The following MDGA2 variants were observed in gnomAD, a reference collection of about 807,000 sequenced individuals.
MDGA2 encodes MAM domain-containing glycosylphosphatidylinositol anchor protein 2.
A neutral mutation model predicts 117.8 loss-of-function variants in MDGA2; 40 were observed. The observed-to-expected ratio is 0.34, with a 90% CI of 0.26 to 0.44. MDGA2 has a LOEUF of 0.44. Ranked by LOEUF, MDGA2 falls within the 20% of genes least tolerant of loss-of-function variation. The pLI is 1.00. For missense variants in MDGA2, 1,123 were observed against 1,250.6 expected, an observed-to-expected ratio of 0.90 and a Z score of 1.54; for synonymous variants, 452 against 439.0, an observed-to-expected ratio of 1.03 and a Z score of -0.37.
intron 1 of MDGA2, among the ~76,000 whole-genome samples, chr14:47,399,122 T>C (rs1892078066): frequency 6.6e-6 from 1 of 152,126 alleles, no homozygotes. Context: ...AAAATTTTGG[T>C]ATTGAAAGAT....
intron 1 of MDGA2, among the ~76,000 whole-genome samples, chr14:47,494,973 C>T (rs1027191269): frequency 1.3e-5 from 2 of 151,392 alleles, no homozygotes; most frequent in Admixed American, 6.6e-5. Flanking sequence ...CACATTTTCA[C>T]ATTTATTCAG....
chr14:46,925,841 G>C (rs1381941386), intron 9 of MDGA2, among the ~76,000 whole-genome samples: 1 of 152,042 alleles, frequency 6.6e-6, no homozygotes, highest in East Asian at 1.9e-4. Flanking sequence ...CTCTCAGACA[G>C]AAAAGGTTGG....
intron 1 of MDGA2, among the ~76,000 whole-genome samples, chr14:47,496,039 A>C (rs534207244): frequency 6.6e-5 from 10 of 152,152 alleles, no homozygotes; most frequent in East Asian, 1.9e-4. Flanking sequence ...TTGCCTCTTC[A>C]CATACTTAGT....
At chr14:47,669,614 C>T (rs116279035) in intron 1 of MDGA2, among the ~76,000 whole-genome samples, 1 of 152,060 alleles carries the variant, frequency 6.6e-6, no homozygotes, top group Admixed American at 6.5e-5. Flanking sequence ...AGCAGCCCAG[C>T]CACTTTTCTT....
intron 1 of MDGA2, among the ~76,000 whole-genome samples, chr14:47,370,782 G>A (rs1459746348): frequency 1.3e-5 from 2 of 150,980 alleles, no homozygotes; most frequent in African/African-American, 4.9e-5. Context: ...CTTGCTTTAG[G>A]TGTCCAATGA....
At chr14:47,389,806 C>T (rs565996026) in intron 1 of MDGA2, among the ~76,000 whole-genome samples, 1 of 152,204 alleles carries the variant, frequency 6.6e-6, no homozygotes. Context: ...TTTAAAATGC[C>T]CAAGGGTAGA....
At chr14:47,558,194 A>G (rs1235200486) in intron 1 of MDGA2, among the ~76,000 whole-genome samples, 1 of 152,172 alleles carries the variant, frequency 6.6e-6, no homozygotes, top group Non-Finnish European at 1.5e-5. Flanking sequence ...ATGCCTATGG[A>G]TACAAATGTA....
chr14:47,544,070 A>G, intron 1 of MDGA2, among the ~76,000 whole-genome samples: 1 of 152,222 alleles, frequency 6.6e-6, no homozygotes, highest in East Asian at 1.9e-4. Context: ...AAGTTCTAAT[A>G]CTAAATATAG....
intron 3 of MDGA2, among the ~76,000 whole-genome samples, chr14:47,150,788 G>T (rs1883131427): frequency 6.6e-6 from 1 of 152,016 alleles, no homozygotes; most frequent in Admixed American, 6.6e-5. Context: ...GCTGGACATG[G>T]TGGTGCATGC....
At chr14:47,004,256 A>G (rs1024174293) in intron 8 of MDGA2, among the ~76,000 whole-genome samples, 4 of 151,942 alleles carry the variant, frequency 2.6e-5, no homozygotes, top group Admixed American at 6.6e-5. Flanking sequence ...ACTTTTGTAT[A>G]TAGATCAATA....
At chr14:46,858,420 CTT>C (rs1290946615) in intron 14 of MDGA2, among the ~76,000 whole-genome samples, 3 of 109,808 alleles carry the variant, frequency 2.7e-5, no homozygotes, top group African/African-American at 1.0e-4. Context: ...TTTTCTTTTT[CTT>C]TTTTTCTTTT....
At chr14:46,862,798 T>C (rs758179100) in intron 14 of MDGA2, among the ~76,000 whole-genome samples, 2 of 152,084 alleles carry the variant, frequency 1.3e-5, no homozygotes, top group Non-Finnish European at 2.9e-5. Context: ...GCATCATTTG[T>C]TTTATACATA....
At chr14:47,086,626 T>G (rs1890912740) in intron 6 of MDGA2, among the ~76,000 whole-genome samples, 5 of 152,130 alleles carry the variant, frequency 3.3e-5, no homozygotes, top group Admixed American at 3.3e-4. Flanking sequence ...TTTTTTACTT[T>G]AAATAATTAT....
At chr14:47,159,782 T>A (rs1338665491) in intron 3 of MDGA2, among the ~76,000 whole-genome samples, 2 of 152,204 alleles carry the variant, frequency 1.3e-5, no homozygotes, top group East Asian at 3.8e-4. Context: ...AGATCCTTTG[T>A]CTATTTTTAT....
At chr14:47,051,740 AC>A (rs1889464203) in intron 7 of MDGA2, among the ~76,000 whole-genome samples, 1 of 152,014 alleles carries the variant, frequency 6.6e-6, no homozygotes, top group African/African-American at 2.4e-5. Context: ...TAGAGCTTTC[AC>A]TACCACATAG....
chr14:46,889,545 C>T (rs1019060862), intron 10 of MDGA2, among the ~76,000 whole-genome samples: 1 of 152,000 alleles, frequency 6.6e-6, no homozygotes, highest in African/African-American at 2.4e-5. Flanking sequence ...TGTGTTCTAG[C>T]GTCTAGCATG....
At chr14:47,470,625 A>G (rs1390103719) in intron 1 of MDGA2, among the ~76,000 whole-genome samples, 1 of 152,164 alleles carries the variant, frequency 6.6e-6, no homozygotes, top group African/African-American at 2.4e-5. Context: ...CTTTGGATAT[A>G]TGCCCAGTAG....
At chr14:47,182,692 G>A (rs762206568) in intron 3 of MDGA2, among the ~76,000 whole-genome samples, 4 of 152,144 alleles carry the variant, frequency 2.6e-5, no homozygotes, top group Non-Finnish European at 5.9e-5. Flanking sequence ...ATACTTTAAG[G>A]TAAAATTGGT....
rs182428794 is a variant in MDGA2 at position 47,116,864 on chromosome 14, G to T, written c.925+14850C>A. On this transcript the variant is annotated intron_variant, in intron 5 of 16. Coordinates refer to ENST00000399232, the MANE Select transcript of MDGA2 (RefSeq NM_001113498.3). ...CATTGATCTTGGGAATGATTTCATA[G>T]ATATAACACAAAAGCATAGAAAACA... Among the ~76,000 whole-genome samples the T allele has an allele frequency of 5.8e-4, 88 of 151,114 alleles. 1 individual carries two copies. Among genetic ancestry groups the T allele is most frequent in the Admixed American group, 2.1e-3 (32 of 15,182 alleles).
Sources: allele counts gnomAD v4.1 joint callset (sites outside exome capture counted in the v4.1 genomes callset), GRCh38; gene constraint gnomAD v4.1.1; transcripts MANE v1.5; gene names NCBI Gene and HGNC (gene_info 2026-07-23, HGNC 2026-07-21).